Variants in MAPKAP1 observed in about 807,000 individuals in gnomAD.
MAPKAP1 encodes the protein MAPK associated protein 1, also known as target of rapamycin complex 2 subunit MAPKAP1.
MAPKAP1 carries 20 observed loss-of-function variants against 65.7 expected under a neutral mutation model. That is an observed-to-expected ratio of 0.30 (90% CI 0.21 to 0.44). MAPKAP1 has a LOEUF of 0.44. Ranked by LOEUF, MAPKAP1 falls within the 20% of genes least tolerant of loss-of-function variation. The probability of loss-of-function intolerance (pLI) is 1.00; values close to 1 mark genes in which losing one functional copy is unlikely to be tolerated. For missense variants in MAPKAP1, 423 were observed against 648.0 expected, an observed-to-expected ratio of 0.65 and a Z score of 3.77; for synonymous variants, 222 against 244.3, an observed-to-expected ratio of 0.91 and a Z score of 0.85.
At chr9:125,655,825 G>A (rs150225473) in intron 4 of MAPKAP1, among the ~76,000 whole-genome samples, 5 of 152,270 alleles carry the variant, frequency 3.3e-5, no homozygotes, top group Non-Finnish European at 5.9e-5. Flanking sequence ...CACATCCTTC[G>A]TGGATTACAA....
chr9:125,471,946 T>C (rs973471361), intron 9 of MAPKAP1: 1 of 152,256 alleles, frequency 6.6e-6, no homozygotes, highest in Non-Finnish European at 1.5e-5. Context: ...TGTGCCAGCA[T>C]GGTTAGAAAT....
chr9:125,543,035 G>T, intron 7 of MAPKAP1, 24 bp downstream of exon 7: 3 of 1,459,870 alleles, frequency 2.1e-6, no homozygotes, highest in Non-Finnish European at 2.9e-6. Context: ...CTACTACTGT[G>T]AGAATATGAT....
At chr9:125,642,648 TAAAG>T (rs1833611952) in intron 4 of MAPKAP1, among the ~76,000 whole-genome samples, 1 of 152,224 alleles carries the variant, frequency 6.6e-6, no homozygotes, top group East Asian at 1.9e-4. Flanking sequence ...ACCCCTCAGT[TAAAG>T]AAACCCATAA....
chr9:125,496,066 C>G (rs1854931816), intron 8 of MAPKAP1, among the ~76,000 whole-genome samples: 1 of 152,186 alleles, frequency 6.6e-6, no homozygotes, highest in Admixed American at 6.5e-5. Flanking sequence ...CCTCACAACG[C>G]TTTACAGGGT....
At chr9:125,473,178 A>G (rs1853984840) in intron 9 of MAPKAP1, among the ~76,000 whole-genome samples, 1 of 151,430 alleles carries the variant, frequency 6.6e-6, no homozygotes, top group Admixed American at 6.6e-5. Flanking sequence ...CATGAGCTAC[A>G]CTACACCCAA....
chr9:125,577,823 C>T (rs1257482292), intron 5 of MAPKAP1, among the ~76,000 whole-genome samples: 9 of 149,992 alleles, frequency 6.0e-5, no homozygotes, highest in Admixed American at 2.0e-4. Flanking sequence ...GGTCAGCCCC[C>T]GGCCCGGCCA....
At chr9:125,638,684 G>C (rs945152858) in intron 4 of MAPKAP1, among the ~76,000 whole-genome samples, 1 of 152,052 alleles carries the variant, frequency 6.6e-6, no homozygotes, top group African/African-American at 2.4e-5. Context: ...TCAATCATTC[G>C]GGCCTGAGGA....
intron 5 of MAPKAP1, among the ~76,000 whole-genome samples, chr9:125,570,516 T>C (rs1466943115): frequency 6.6e-6 from 1 of 152,346 alleles, no homozygotes; most frequent in Middle Eastern, 3.4e-3. Context: ...CTAGGAGCAG[T>C]ACACTGCTCC....
At chr9:125,617,685 G>C (rs1338558262) in intron 4 of MAPKAP1, among the ~76,000 whole-genome samples, 1 of 151,948 alleles carries the variant, frequency 6.6e-6, no homozygotes, top group Non-Finnish European at 1.5e-5. Flanking sequence ...ATGTTAAGAG[G>C]AAAAAGTTAC....
At chr9:125,555,379 A>G (rs1185902483) in intron 6 of MAPKAP1, among the ~76,000 whole-genome samples, 1 of 152,264 alleles carries the variant, frequency 6.6e-6, no homozygotes, top group African/African-American at 2.4e-5. Context: ...GTCTAAGGTC[A>G]TGCATGTAGC....
At chr9:125,680,796 G>A (rs1459625157) in intron 1 of MAPKAP1, among the ~76,000 whole-genome samples, 2 of 151,920 alleles carry the variant, frequency 1.3e-5, no homozygotes, top group Non-Finnish European at 2.9e-5. Context: ...ATATACATAG[G>A]GAACAATAAC....
chr9:125,638,145 C>T (rs1294564727), intron 4 of MAPKAP1, among the ~76,000 whole-genome samples: 1 of 152,150 alleles, frequency 6.6e-6, no homozygotes. Flanking sequence ...AGGGAAAGGG[C>T]TCTGATTGTC....
At chr9:125,590,143 TCA>T (rs1193931626) in intron 4 of MAPKAP1, among the ~76,000 whole-genome samples, 2 of 152,220 alleles carry the variant, frequency 1.3e-5, no homozygotes, top group East Asian at 3.8e-4. Flanking sequence ...GCTATAGGAT[TCA>T]CAGTCTCTCA....
chr9:125,590,962 C>G (rs1349194598), intron 4 of MAPKAP1, among the ~76,000 whole-genome samples: 3 of 152,062 alleles, frequency 2.0e-5, no homozygotes, highest in Non-Finnish European at 4.4e-5. Context: ...TTAGTAGAGA[C>G]AAGATTTTGC....
intron 4 of MAPKAP1, among the ~76,000 whole-genome samples, chr9:125,586,639 T>C (rs944792278): frequency 2.0e-5 from 3 of 152,132 alleles, no homozygotes; most frequent in Admixed American, 6.5e-5. Context: ...ACCCAGGCCA[T>C]CCGATGACAC....
chr9:125,500,148 T>C (rs1055347785), intron 8 of MAPKAP1, among the ~76,000 whole-genome samples: 1 of 152,128 alleles, frequency 6.6e-6, no homozygotes, highest in African/African-American at 2.4e-5. Context: ...ACACTAATGT[T>C]TGTTATCATT....
chr9:125,606,161 TAA>T (rs1466274883), intron 4 of MAPKAP1, among the ~76,000 whole-genome samples: 2 of 152,082 alleles, frequency 1.3e-5, no homozygotes, highest in Non-Finnish European at 2.9e-5. Context: ...GGAAATACAT[TAA>T]GTGGTCTCCT....
At chr9:125,567,302 G>C (rs972959541) in intron 5 of MAPKAP1, among the ~76,000 whole-genome samples, 1 of 152,186 alleles carries the variant, frequency 6.6e-6, no homozygotes, top group Non-Finnish European at 1.5e-5. Flanking sequence ...TGGATGAGAC[G>C]GGAGGTCAAC....
At chr9:125,619,434 G>A (rs1373634459) in intron 4 of MAPKAP1, among the ~76,000 whole-genome samples, 1 of 151,688 alleles carries the variant, frequency 6.6e-6, no homozygotes, top group Admixed American at 6.6e-5. Flanking sequence ...CTAAGATCAT[G>A]CCACTTCACT....
Sources: gnomAD v4.1 joint callset for allele counts (sites outside exome capture counted in the v4.1 genomes callset) on GRCh38, gnomAD v4.1.1 for gene constraint, MANE v1.5 for transcripts, NCBI Gene and HGNC (gene_info 2026-07-23, HGNC 2026-07-21) for gene names.